Variants in PNPLA7 observed in about 807,000 individuals in gnomAD.
PNPLA7 encodes the protein patatin-like phospholipase domain-containing protein 7.
PNPLA7 carries 153 observed loss-of-function variants against 161.7 expected under a neutral mutation model. The ratio of observed to expected loss-of-function variants is 0.95; its 90% CI spans 0.83 to 1.08. The LOEUF is 1.08. Among genes scored for constraint, PNPLA7 ranks in the 50% least tolerant of loss-of-function variants. The pLI is 0.00. For synonymous variants in PNPLA7, 809 were observed against 782.1 expected (o/e 1.03, Z -0.57); for missense variants, 1,739 against 1,856.6 (o/e 0.94, Z 1.16).
chr9:137,492,011 G>C, intron 20 of PNPLA7: 2 of 985,416 alleles, frequency 2.0e-6, no homozygotes, highest in Non-Finnish European at 2.4e-6. Flanking sequence ...AGGCACAGAG[G>C]CAGAAGGCAG....
At position 137,487,000 on chromosome 9, in the gene PNPLA7, C is replaced by G. The variant is rs1042939349; in HGVS notation, c.2198-2264G>C. On this transcript the variant is annotated intron_variant, in intron 20 of 34. Transcript: ENST00000406427. The surrounding 1 kb of genome is among the most constrained non-coding windows in gnomAD (Gnocchi z 6.0). The stretch of plus-strand genomic sequence containing the variant: ...CCCTCCCCCCGCCCTTCTGAGCCAT[C>G]TCTTTTGCCTTCTTGGTCCAATTTC... Among the ~76,000 whole-genome samples, 4 of 138,446 alleles carry G rather than the reference C, an allele frequency of 2.9e-5. No homozygotes were observed. The highest frequency in any genetic ancestry group is 4.7e-5 in the Non-Finnish European group (3 of 63,806). 90.8% of individuals were successfully genotyped at this position (138,446 alleles called of 152,430 possible). A position where few individuals can be genotyped will look rare whatever the true frequency, so the allele number is the denominator to read the frequency against.
chr9:137,484,264 T>C (rs561307747), intron 21 of PNPLA7, among the ~76,000 whole-genome samples: 2 of 152,326 alleles, frequency 1.3e-5, no homozygotes, highest in African/African-American at 4.8e-5. Flanking sequence ...ACTGAAATTT[T>C]TAGCATAACC....
intron 15 of PNPLA7, 131 bp downstream of exon 15, chr9:137,501,519 G>C: frequency 2.3e-6 from 2 of 870,144 alleles, no homozygotes; most frequent in Non-Finnish European, 1.8e-6. Flanking sequence ...ATGGTGCCCA[G>C]AGGGGCAGTG....
intron 11 of PNPLA7, among the ~76,000 whole-genome samples, chr9:137,517,557 C>G (rs1234814111): frequency 4.2e-5 from 4 of 94,516 alleles, no homozygotes; most frequent in African/African-American, 1.6e-4. Flanking sequence ...TCACTCACTC[C>G]ACTCTGTCCA....
At chr9:137,472,814 G>A (rs931932415) in intron 25 of PNPLA7, among the ~76,000 whole-genome samples, 2 of 151,778 alleles carry the variant, frequency 1.3e-5, no homozygotes, top group African/African-American at 2.4e-5. Flanking sequence ...AATTAGCCGC[G>A]TGTGGTGCCA....
At chr9:137,480,017 C>A (rs1379485305) in intron 23 of PNPLA7, 1 of 722,580 alleles carries the variant, frequency 1.4e-6, no homozygotes, top group East Asian at 1.3e-4. Context: ...GCACCGTTTA[C>A]GTAAAAGGTT....
chr9:137,467,570 C>T lies in PNPLA7; in HGVS notation c.2883-97G>A, dbSNP rs1471188210. On this transcript the variant is annotated intron_variant, in intron 25 of 34. Transcript: ENST00000406427. The surrounding 1 kb of genome is among the most constrained non-coding windows in gnomAD (Gnocchi z 5.1). Reference sequence around the variant, plus strand: ...TCATCCTCAGTTCCCAACTCCTCCACAGGCAGAGACGCTGACGCAGAGAGG... The same window carrying T: ...TCATCCTCAGTTCCCAACTCCTCCATAGGCAGAGACGCTGACGCAGAGAGG... 10 of 1,452,076 alleles carry T rather than the reference C, an allele frequency of 6.9e-6. No individual in the cohort carries two copies. In the East Asian group the frequency reaches 1.6e-4, roughly 24 times the overall value. 89.9% of individuals were successfully genotyped at this position (1,452,076 alleles called of 1,614,324 possible). A position where few individuals can be genotyped will look rare whatever the true frequency, so the allele number is the denominator to read the frequency against.
rs746419306 is a variant in PNPLA7, at chr9:137,523,318, G to A, written c.748-461C>T. On this transcript the variant is annotated intron_variant, in intron 8 of 34. Coordinates refer to ENST00000406427, the MANE Select transcript of PNPLA7 (RefSeq NM_001098537.3). This position sits in a 1 kb window ranked among gnomAD's most constrained non-coding sequence, Gnocchi z 4.4. ...GAGCCACCACTGTCAAATGCCCACC[G>A]CCACAGTGGGGTCACCGCCTAGGAC... Among the ~76,000 whole-genome samples the A allele has an allele frequency of 1.1e-4, 16 of 151,886 alleles. No individual in the cohort carries two copies. Among genetic ancestry groups the A allele is most frequent in the African/African-American group, 3.1e-4 (13 of 41,330 alleles).
intron 14 of PNPLA7, 99 bp downstream of exon 14, chr9:137,505,515 C>T (rs958695018): frequency 1.4e-6 from 2 of 1,413,418 alleles, no homozygotes; most frequent in South Asian, 1.3e-5. Context: ...CCTTTGCAGC[C>T]ACTGTCCTCC....
intron 8 of PNPLA7, among the ~76,000 whole-genome samples, chr9:137,529,542 G>T (rs1048793400): frequency 6.6e-6 from 1 of 152,286 alleles, no homozygotes; most frequent in Non-Finnish European, 1.5e-5. Flanking sequence ...TGTATCTGTG[G>T]ATGGTGGATT....
intron 8 of PNPLA7, among the ~76,000 whole-genome samples, chr9:137,538,678 AT>A (rs1305570835): frequency 6.6e-5 from 10 of 152,354 alleles, no homozygotes; most frequent in African/African-American, 1.9e-4. Context: ...ATTTAGCAAA[AT>A]TCAGCTAATG....
chr9:137,502,739 A>ACGCGGGGGGCGGGGGG (rs1833547415), intron 14 of PNPLA7, among the ~76,000 whole-genome samples: 1 of 10,334 alleles, frequency 9.7e-5, no homozygotes, highest in African/African-American at 4.4e-4. Context: ...GGGGGGGACG[A>ACGCGGGGGGCGGGGGG]GAGGGATGTG....
intron 33 of PNPLA7, 100 bp from the exon 34 acceptor site, chr9:137,460,837 C>T (rs1303215258): frequency 1.3e-5 from 15 of 1,151,894 alleles, no homozygotes; most frequent in Non-Finnish European, 1.6e-5. Flanking sequence ...ATGCCCACCC[C>T]CGCCTCCAAG....
intron 8 of PNPLA7, among the ~76,000 whole-genome samples, chr9:137,536,152 CAAA>C (rs36008993): frequency 1.6e-5 from 2 of 125,836 alleles, no homozygotes; most frequent in Admixed American, 8.4e-5. Flanking sequence ...GACTCCATCA[CAAA>C]AAAAAAAAAA....
intron 23 of PNPLA7, 124 bp downstream of exon 23, chr9:137,480,188 G>A: frequency 7.6e-7 from 1 of 1,323,752 alleles, no homozygotes; most frequent in Non-Finnish European, 1.0e-6. Context: ...GCAGATATCT[G>A]AGTGTTGGCT....
rs1190754339 is a variant in PNPLA7, at chr9:137,514,779, C to T, written c.1225+600G>A. 5.6e-5 allele frequency among the ~76,000 whole-genome samples: 7 copies of T among 125,554 alleles called. 1 individual carries two copies. The highest frequency in any genetic ancestry group is 2.2e-4 in the African/African-American group (7 of 31,462). 82.4% of individuals were successfully genotyped at this position (125,554 alleles called of 152,430 possible). A position where few individuals can be genotyped will look rare whatever the true frequency, so the allele number is the denominator to read the frequency against. On this transcript the variant is annotated intron_variant, in intron 12 of 34. Transcript: ENST00000406427. Reference sequence around the variant, plus strand: ...ATGCCCGGGCCCTGTGGCCGGGCTGCAGGTGGGTCACCTGACTGTTGAGGT... The same window carrying T: ...ATGCCCGGGCCCTGTGGCCGGGCTGTAGGTGGGTCACCTGACTGTTGAGGT...
At chr9:137,539,536 G>C (rs1836076298) in intron 8 of PNPLA7, among the ~76,000 whole-genome samples, 2 of 152,076 alleles carry the variant, frequency 1.3e-5, no homozygotes, top group Non-Finnish European at 1.5e-5. Context: ...AAATTAGCCA[G>C]GTATGGTGGT....
At position 137,540,806 on chromosome 9, in the gene PNPLA7, A is replaced by G; in HGVS notation, c.667-84T>C. 4.7e-6 allele frequency: 6 copies of G among 1,279,664 alleles called. No homozygotes were observed. The highest frequency in any genetic ancestry group is 2.5e-5 in the South Asian group (2 of 79,694). The allele number at this position is 1,279,664 out of a possible 1,614,324, so 79.3% of individuals were successfully genotyped here. A position where few individuals can be genotyped will look rare whatever the true frequency, so the allele number is the denominator to read the frequency against. On this transcript the variant is annotated intron_variant, in intron 7 of 34. Transcript: ENST00000406427. This position sits in a 1 kb window ranked among gnomAD's most constrained non-coding sequence, Gnocchi z 5.1. ...GCGGAGGCTCAGCCCAGCCCAGGGC[A>G]GTGGGGCCACGGGCCTGCACCTCTG...
At chr9:137,463,790 G>A (rs1305453387) in intron 28 of PNPLA7, among the ~76,000 whole-genome samples, 2 of 150,880 alleles carry the variant, frequency 1.3e-5, no homozygotes, top group African/African-American at 2.4e-5. Context: ...CCCCATGACC[G>A]AGTGAACCCC....
Sources: allele counts gnomAD v4.1 joint callset (sites outside exome capture counted in the v4.1 genomes callset), GRCh38; gene constraint gnomAD v4.1.1; non-coding constraint Gnocchi (gnomAD v3.1); transcripts MANE v1.5; gene names NCBI Gene and HGNC (gene_info 2026-07-23, HGNC 2026-07-21).